LRRC56: variants seen among roughly 807,000 people sequenced by gnomAD.
LRRC56 encodes the protein leucine rich repeat containing 56.
Under a neutral mutation model 47.8 loss-of-function variants are expected in LRRC56, and 41 were observed. That is an observed-to-expected ratio of 0.86 (90% CI 0.67 to 1.11). LRRC56 has a LOEUF of 1.11. LRRC56 is among the 50% of genes most tolerant of loss of function. The pLI is 0.00. For missense variants in LRRC56, 759 were observed against 704.2 expected (o/e 1.08, Z -0.88); for synonymous variants, 387 against 311.2 (o/e 1.24, Z -2.56).
the LRRC56 span, among the ~76,000 whole-genome samples, chr11:507,751 C>T: frequency 4.2e-3 from 642 of 152,346 alleles, 3 homozygotes; most frequent in African/African-American, 0.015. Flanking sequence ...TAGAGGGGCT[C>T]GTTTGCGCCG....
At position 554,103 on chromosome 11, in the gene LRRC56, G is replaced by T; in HGVS notation, c.1456G>T (p.Gly486Trp). ...TCGGCTCCGAGTCCTGGGCAGCTGG[G>T]GGCCTGGCCTGGGTGATGGGGTGGC... The part of the protein sequence containing the change: ...GRRLRVLGSW[G>W]PGLGDGVAAV... Residue 486 changes from glycine (G) to tryptophan (W), a missense_variant, in exon 14 of 14, where the codon GGG (glycine) becomes TGG (tryptophan). By Grantham distance (184) the Gly-to-Trp change is radical (BLOSUM62 -2). Transcript: ENST00000270115. 1 of 1,607,000 alleles carries T rather than the reference G, an allele frequency of 6.2e-7. No individual in the cohort carries two copies. Among genetic ancestry groups the T allele is most frequent in the Non-Finnish European group, 8.5e-7 (1 of 1,178,442 alleles).
chr11:528,462 C>G, the LRRC56 span: 5 of 152,086 alleles, frequency 3.3e-5, no homozygotes, highest in Non-Finnish European at 7.4e-5. Context: ...GTCCGCAGGG[C>G]CTCCAGCAAG....
the LRRC56 span, among the ~76,000 whole-genome samples, chr11:527,953 C>T: frequency 2.0e-5 from 3 of 152,114 alleles, no homozygotes; most frequent in East Asian, 1.9e-4. Context: ...CCGCCCGCCT[C>T]GGCCTCCCAA....
chr11:554,770 G>A lies in LRRC56; in HGVS notation c.*494G>A, dbSNP rs1212686600. ...CTCCCGTCTCCGGGGGATCTGTAGG[G>A]TTCCCGCACTGCGATAGGGCGGCCC... On this transcript the variant is annotated 3_prime_UTR_variant, in exon 14 of 14. Transcript: ENST00000270115. 6 of 510,906 alleles carry A rather than the reference G, an allele frequency of 1.2e-5. No homozygotes were observed. The highest frequency in any genetic ancestry group is 7.3e-5 in the East Asian group (2 of 27,586). The allele number at this position is 510,906 out of a possible 1,614,324, so 31.6% of individuals were successfully genotyped here. A position where few individuals can be genotyped will look rare whatever the true frequency, so the allele number is the denominator to read the frequency against.
chr11:514,213 C>T, the LRRC56 span, among the ~76,000 whole-genome samples: 2 of 151,748 alleles, frequency 1.3e-5, no homozygotes, highest in African/African-American at 2.4e-5. Context: ...AGGCTGGTCT[C>T]GAACTCCTGG....
the LRRC56 span, among the ~76,000 whole-genome samples, chr11:519,087 C>CGG: frequency 6.6e-6 from 1 of 150,792 alleles, no homozygotes; most frequent in Non-Finnish European, 1.5e-5. Flanking sequence ...CGCCAAAAAC[C>CGG]TGCTGTCTGG....
At chr11:534,347 G>A (rs866154247), upstream of LRRC56, 2 of 1,583,662 alleles carry the variant, frequency 1.3e-6, no homozygotes, top group Admixed American at 3.3e-5. Context: ...CTGCGGCCCG[G>A]GGTCCTCCTA....
upstream of LRRC56, chr11:533,141 G>A (rs1432784336): frequency 1.1e-5 from 9 of 801,608 alleles, no homozygotes; most frequent in Admixed American, 5.7e-5. Context: ...CAGGGTCACC[G>A]CTCCGGCCTG....
intron 1 of LRRC56, among the ~76,000 whole-genome samples, chr11:537,825 G>A (rs1475667079): frequency 2.0e-5 from 3 of 152,184 alleles, no homozygotes; most frequent in Non-Finnish European, 4.4e-5. Flanking sequence ...AGACAGGAGG[G>A]GCCCCAAGCC....
the LRRC56 span, chr11:532,495 T>C: frequency 8.6e-7 from 1 of 1,160,330 alleles, no homozygotes; most frequent in South Asian, 1.4e-5. Context: ...CCTTCCTGCA[T>C]CCGGCACCTC....
chr11:544,944 G>A (rs982314527), intron 6 of LRRC56, among the ~76,000 whole-genome samples, 164 bp downstream of exon 6: 18 of 152,142 alleles, frequency 1.2e-4, no homozygotes, highest in Middle Eastern at 3.4e-3. Context: ...CTGACCCCAC[G>A]TGACCCTGTG....
chr11:528,657 C>CTACCA, the LRRC56 span: 3 of 152,216 alleles, frequency 2.0e-5, no homozygotes, highest in Non-Finnish European at 4.4e-5. Flanking sequence ...CTCTGACGAT[C>CTACCA]GTCTCGAGCC....
upstream of LRRC56, chr11:534,718 C>T (rs2133997429): frequency 3.4e-6 from 1 of 293,126 alleles, no homozygotes; most frequent in East Asian, 7.4e-5. Flanking sequence ...TTACCGTCCT[C>T]CAGAACAGGT....
chr11:546,261 A>C (rs1278775462), intron 6 of LRRC56, among the ~76,000 whole-genome samples: 1 of 151,542 alleles, frequency 6.6e-6, no homozygotes, highest in African/African-American at 2.4e-5. Flanking sequence ...CAACAGAGCG[A>C]AACTCTGCCT....
chr11:515,872 A>G, the LRRC56 span, among the ~76,000 whole-genome samples: 1 of 152,162 alleles, frequency 6.6e-6, no homozygotes, highest in African/African-American at 2.4e-5. Flanking sequence ...ATGGATTTAT[A>G]TATGTACTGT....
At chr11:548,907 G>A (rs182595834) in intron 6 of LRRC56, among the ~76,000 whole-genome samples, 195 of 152,338 alleles carry the variant, frequency 1.3e-3, no homozygotes, top group African/African-American at 4.5e-3. Flanking sequence ...CTCACAGCCA[G>A]CAAACATCTG....
chr11:539,550 ATTTTT>A (rs5789201), intron 2 of LRRC56, 25 bp from the exon 3 acceptor site: 25 of 129,528 alleles, frequency 1.9e-4, no homozygotes, highest in South Asian at 4.9e-4. Context: ...ACGCCAGCTA[ATTTTT>A]TTTTTTTTTT....
the LRRC56 span, among the ~76,000 whole-genome samples, chr11:531,516 T>C: frequency 6.6e-6 from 1 of 152,124 alleles, no homozygotes; most frequent in Non-Finnish European, 1.5e-5. Context: ...AGCCTGTGTA[T>C]ACCCAGCAAG....
the LRRC56 span, among the ~76,000 whole-genome samples, chr11:527,765 A>G: frequency 4.2e-5 from 6 of 143,552 alleles, no homozygotes; most frequent in Non-Finnish European, 9.0e-5. Context: ...CAATTCCGCG[A>G]TCTCGGCTCA....
Sources: gnomAD v4.1 joint callset for allele counts (sites outside exome capture counted in the v4.1 genomes callset) on GRCh38, gnomAD v4.1.1 for gene constraint, MANE v1.5 for transcripts, NCBI Gene and HGNC (gene_info 2026-07-23, HGNC 2026-07-21) for gene names.